The following NUP93 variants were observed in gnomAD, a reference collection of about 807,000 sequenced individuals.
NUP93 encodes nuclear pore complex protein Nup93.
In NUP93, 55 loss-of-function variants were observed where a neutral mutation model predicts 107.8. That is an observed-to-expected ratio of 0.51 (90% CI 0.41 to 0.64). The LOEUF is 0.64. NUP93 is among the 30% of genes least tolerant of loss of function. The pLI is 0.00. For missense variants in NUP93, 937 were observed against 1,044.7 expected (o/e 0.90, Z 1.42); for synonymous variants, 390 against 397.5 (o/e 0.98, Z 0.22).
chr16:56,815,559 G>C (rs932859692), intron 5 of NUP93, among the ~76,000 whole-genome samples: 4 of 152,176 alleles, frequency 2.6e-5, no homozygotes, highest in African/African-American at 9.7e-5. Flanking sequence ...TGTTGTTGTG[G>C]AGCGTAGGAT....
chr16:56,806,993 T>A (rs183718279), intron 5 of NUP93, among the ~76,000 whole-genome samples: 4 of 152,312 alleles, frequency 2.6e-5, no homozygotes, highest in African/African-American at 9.6e-5. Context: ...TTAGATTGTG[T>A]CACTTCTCTG....
chr16:56,738,050 A>T (rs1961640977), intron 1 of NUP93, among the ~76,000 whole-genome samples: 1 of 152,236 alleles, frequency 6.6e-6, no homozygotes, highest in South Asian at 2.1e-4. Flanking sequence ...TTCTCTGTAG[A>T]GATAATTTCC....
At chr16:56,790,607 C>T (rs186840931) in intron 3 of NUP93, among the ~76,000 whole-genome samples, 1 of 152,180 alleles carries the variant, frequency 6.6e-6, no homozygotes, top group Admixed American at 6.5e-5. Context: ...CTAATTTTAT[C>T]CAAGAGAAGT....
chr16:56,768,680 C>T (rs1450583139), intron 3 of NUP93, among the ~76,000 whole-genome samples: 4 of 151,024 alleles, frequency 2.6e-5, no homozygotes, highest in Non-Finnish European at 5.9e-5. Context: ...TCCTGGCTAA[C>T]ACGGTGAAAC....
At chr16:56,816,750 A>T (rs1963441188) in intron 5 of NUP93, among the ~76,000 whole-genome samples, 1 of 152,166 alleles carries the variant, frequency 6.6e-6, no homozygotes, top group Non-Finnish European at 1.5e-5. Flanking sequence ...GGATCAACAC[A>T]TGAGGACCTG....
chr16:56,789,658 C>G (rs538628944), intron 3 of NUP93, among the ~76,000 whole-genome samples: 1 of 152,234 alleles, frequency 6.6e-6, no homozygotes, highest in Non-Finnish European at 1.5e-5. Context: ...AAATGCACAG[C>G]AAGAAATCAT....
chr16:56,778,309 T>G (rs1285728287), intron 3 of NUP93, among the ~76,000 whole-genome samples: 1 of 152,140 alleles, frequency 6.6e-6, no homozygotes, highest in East Asian at 1.9e-4. Context: ...ATGGAAGTTA[T>G]GTGCTAAGAA....
chr16:56,781,669 C>T (rs1353205546), intron 3 of NUP93: 3 of 187,976 alleles, frequency 1.6e-5, no homozygotes, highest in East Asian at 1.9e-4. Flanking sequence ...TGCAAGATGT[C>T]GGAAGTCATC....
At chr16:56,814,396 CACAGGCTGTTCT>C (rs1963377733) in intron 5 of NUP93, among the ~76,000 whole-genome samples, 1 of 152,124 alleles carries the variant, frequency 6.6e-6, no homozygotes, top group African/African-American at 2.4e-5. Flanking sequence ...CGCCATGTCA[CACAGGCTGTTCT>C]TGAACTCCTG....
intron 3 of NUP93, among the ~76,000 whole-genome samples, chr16:56,793,852 C>T (rs561124281): frequency 6.8e-4 from 104 of 152,078 alleles, no homozygotes; most frequent in African/African-American, 2.4e-3. Context: ...CAGGAGTTCG[C>T]GACCAGCCTG....
At chr16:56,772,410 G>C (rs550267270) in intron 3 of NUP93, among the ~76,000 whole-genome samples, 55 of 152,300 alleles carry the variant, frequency 3.6e-4, no homozygotes, top group African/African-American at 1.3e-3. Context: ...CCTTGCTGAG[G>C]AAGGCATCAA....
intron 3 of NUP93, among the ~76,000 whole-genome samples, chr16:56,792,726 A>G (rs76878084): frequency 6.6e-6 from 1 of 152,270 alleles, no homozygotes; most frequent in East Asian, 1.9e-4. Context: ...TGCCATAAGC[A>G]TACTCTGAGC....
chr16:56,739,539 C>A (rs1166914835), intron 1 of NUP93, among the ~76,000 whole-genome samples: 1 of 114,454 alleles, frequency 8.7e-6, no homozygotes, highest in African/African-American at 3.3e-5. Context: ...CCCCCCCCAC[C>A]TCCCTCCCGG....
At chr16:56,815,928 G>GCTACCACTACTACTACTA (rs1171874538) in intron 5 of NUP93, among the ~76,000 whole-genome samples, 2 of 151,660 alleles carry the variant, frequency 1.3e-5, no homozygotes, top group African/African-American at 4.8e-5. Context: ...TGCTGCTGCT[G>GCTACCACTACTACTACTA]CTACCACTAC....
chr16:56,765,824 A>G (rs1481363757), intron 3 of NUP93, among the ~76,000 whole-genome samples: 1 of 152,228 alleles, frequency 6.6e-6, no homozygotes, highest in East Asian at 1.9e-4. Flanking sequence ...ATCCTGTTTC[A>G]TGTTTATAAT....
intron 9 of NUP93, 107 bp downstream of exon 9, chr16:56,829,216 A>T: frequency 7.4e-7 from 1 of 1,350,656 alleles, no homozygotes; most frequent in Non-Finnish European, 1.0e-6. Context: ...CTGTGTGGAG[A>T]TGGGACCAGA....
chr16:56,776,868 G>T (rs1962424743), intron 3 of NUP93, among the ~76,000 whole-genome samples: 1 of 152,178 alleles, frequency 6.6e-6, no homozygotes, highest in Non-Finnish European at 1.5e-5. Context: ...GAAATTTTGT[G>T]GCTATGAATC....
Position 56,805,585 on chromosome 16 carries a change from C to G in NUP93, c.442C>G (p.Leu148Val). 6.2e-7 allele frequency: 1 copy of G among 1,614,112 alleles called. No individual in the cohort carries two copies. Among genetic ancestry groups the G allele is most frequent in the Non-Finnish European group, 8.5e-7 (1 of 1,179,992 alleles). ...AGTGAAACAGCGAATTCTGCACACA[C>G]TGCTGGCATCAGGAGAAGACGCCCT... is the stretch of plus-strand genomic sequence containing the variant. ...EQVKQRILHT[L>V]LASGEDALDF... Residue 148 changes from leucine (L) to valine (V), a missense_variant, in exon 5 of 22, where the codon CTG (leucine) becomes GTG (valine). Transcript: ENST00000308159.
At chr16:56,734,701 A>G (rs1961584646) in intron 1 of NUP93, among the ~76,000 whole-genome samples, 1 of 152,244 alleles carries the variant, frequency 6.6e-6, no homozygotes, top group South Asian at 2.1e-4. Flanking sequence ...ACTCATGTAT[A>G]TATGAATAAA....
Sources: allele counts gnomAD v4.1 joint callset (sites outside exome capture counted in the v4.1 genomes callset), GRCh38; gene constraint gnomAD v4.1.1; transcripts MANE v1.5; gene names NCBI Gene and HGNC (gene_info 2026-07-23, HGNC 2026-07-21).